Variants in JARID2 observed in about 807,000 individuals in gnomAD.
The protein encoded by JARID2 is protein Jumonji.
JARID2 carries 21 observed loss-of-function variants against 125.6 expected under a neutral mutation model. That is an observed-to-expected ratio of 0.17 (90% confidence interval 0.12 to 0.24). JARID2 has a LOEUF of 0.24. Ranked by LOEUF, JARID2 falls within the 10% of genes least tolerant of loss-of-function variation. The pLI, the probability that JARID2 is intolerant of heterozygous loss-of-function variation, is 1.00. For synonymous variants in JARID2, 736 were observed against 661.6 expected (o/e 1.11, Z -1.73); for missense variants, 1,303 against 1,639.6 (o/e 0.79, Z 3.55).
intron 1 of JARID2, among the ~76,000 whole-genome samples, chr6:15,301,742 C>T (rs1187575065): frequency 6.6e-6 from 1 of 152,182 alleles, no homozygotes; most frequent in African/African-American, 2.4e-5. Flanking sequence ...TATGTGGATA[C>T]TCAAGCATTA....
intron 3 of JARID2, among the ~76,000 whole-genome samples, chr6:15,414,913 A>G (rs1031641074): frequency 1.3e-5 from 2 of 152,300 alleles, no homozygotes; most frequent in African/African-American, 4.8e-5. Flanking sequence ...GTCAGCAGAT[A>G]AACAAGTGAA....
intron 3 of JARID2, among the ~76,000 whole-genome samples, chr6:15,422,592 T>C (rs1766547223): frequency 6.6e-6 from 1 of 152,192 alleles, no homozygotes. Context: ...AAACCCTTGG[T>C]TCAGACCTCA....
chr6:15,249,104 G>C (rs552182148), intron 1 of JARID2: 2 of 227,418 alleles, frequency 8.8e-6, no homozygotes, highest in South Asian at 3.2e-4. Context: ...GTCTCCTGAT[G>C]GTGTTGCATT....
At chr6:15,372,741 A>T (rs1032671507) in intron 1 of JARID2, among the ~76,000 whole-genome samples, 2 of 146,694 alleles carry the variant, frequency 1.4e-5, no homozygotes, top group African/African-American at 5.1e-5. Flanking sequence ...ACTGAGTCTC[A>T]CTCTGTCTCC....
At chr6:15,275,300 TCTTTGGTGTTTC>T (rs1281031983) in intron 1 of JARID2, among the ~76,000 whole-genome samples, 3 of 152,148 alleles carry the variant, frequency 2.0e-5, no homozygotes, top group Non-Finnish European at 4.4e-5. Flanking sequence ...GGGTTTTGGA[TCTTTGGTGTTTC>T]CTTTTTTACA....
intron 1 of JARID2, among the ~76,000 whole-genome samples, chr6:15,260,815 A>G (rs1424248544): frequency 6.6e-6 from 1 of 152,224 alleles, no homozygotes; most frequent in Non-Finnish European, 1.5e-5. Flanking sequence ...CCTGAAGCTA[A>G]AAAGTGGTGG....
At chr6:15,382,734 C>T (rs1333746124) in intron 2 of JARID2, among the ~76,000 whole-genome samples, 1 of 152,206 alleles carries the variant, frequency 6.6e-6, no homozygotes, top group Non-Finnish European at 1.5e-5. Context: ...GCCACGCTTC[C>T]TAGTAGGCAT....
chr6:15,501,686 C>T (rs886502168), intron 8 of JARID2, among the ~76,000 whole-genome samples: 6 of 152,170 alleles, frequency 3.9e-5, no homozygotes, highest in South Asian at 2.1e-4. Context: ...CTTGTGGGTG[C>T]GTTGATGGGG....
At chr6:15,342,553 A>G (rs1054672879) in intron 1 of JARID2, among the ~76,000 whole-genome samples, 2 of 152,242 alleles carry the variant, frequency 1.3e-5, no homozygotes, top group African/African-American at 4.8e-5. Flanking sequence ...TGTTGAAAGT[A>G]ACAAAGTAGT....
chr6:15,267,253 C>T (rs1393765503), intron 1 of JARID2, among the ~76,000 whole-genome samples: 1 of 152,098 alleles, frequency 6.6e-6, no homozygotes, highest in Non-Finnish European at 1.5e-5. Context: ...CTCCCACTCC[C>T]ATGAAAAAGA....
At chr6:15,268,950 G>GGCGTGT (rs1175401813) in intron 1 of JARID2, among the ~76,000 whole-genome samples, 2 of 152,290 alleles carry the variant, frequency 1.3e-5, no homozygotes, top group African/African-American at 4.8e-5. Context: ...CTTAAAGTCA[G>GGCGTGT]GCGTGTGCGT....
chr6:15,267,401 C>T (rs1006896133), intron 1 of JARID2, among the ~76,000 whole-genome samples: 1 of 152,136 alleles, frequency 6.6e-6, no homozygotes, highest in African/African-American at 2.4e-5. Context: ...GATCCTGAAG[C>T]CTAACCAACT....
intron 1 of JARID2, among the ~76,000 whole-genome samples, chr6:15,330,874 C>T (rs1303333298): frequency 1.3e-5 from 2 of 152,170 alleles, no homozygotes; most frequent in Admixed American, 6.5e-5. Flanking sequence ...AGACAGAATA[C>T]TTCAAAGTAG....
chr6:15,425,849 C>T lies in JARID2; in HGVS notation c.323+15484C>T, dbSNP rs567554616. Among the ~76,000 whole-genome samples the T allele has an allele frequency of 5.9e-5, 9 of 152,274 alleles. No individual in the cohort carries two copies. The East Asian group carries it at 1.2e-3, about 20-fold the overall frequency. On this transcript the variant is annotated intron_variant, in intron 3 of 17. Transcript: ENST00000341776. The stretch of plus-strand genomic sequence containing the variant: ...ACAAGCAGAGTGACTAGGGAAATTG[C>T]GGCAGCTTCAATATGGTCATGTGTG...
intron 9 of JARID2, 53 bp downstream of exon 9, chr6:15,504,645 GA>G (rs1307908242): frequency 1.7e-5 from 20 of 1,184,222 alleles, no homozygotes; most frequent in Middle Eastern, 1.9e-4. Flanking sequence ...ACCCCTCGGC[GA>G]GCTGGAGGAC....
intron 1 of JARID2, among the ~76,000 whole-genome samples, chr6:15,278,366 C>CACG (rs1760615556): frequency 1.3e-5 from 2 of 151,926 alleles, no homozygotes; most frequent in Non-Finnish European, 2.9e-5. Flanking sequence ...GCGGGTGGAT[C>CACG]ACGAGGTCAG....
At chr6:15,309,953 C>CA (rs1389891651) in intron 1 of JARID2, among the ~76,000 whole-genome samples, 85 of 151,334 alleles carry the variant, frequency 5.6e-4, no homozygotes, top group Admixed American at 9.9e-4. Context: ...CTGTAATAAA[C>CA]AAAAAAAATG....
At position 15,522,020 on chromosome 6, in the gene JARID2, G is replaced by GGAC. The variant is rs1771884401; in HGVS notation, c.*1770_*1772dup. On this transcript the variant is annotated 3_prime_UTR_variant, in exon 18 of 18. Transcript: ENST00000341776. ...TTTAATAATAAAAACAAAGTTTTTT[G>GGAC]GACATTTGTCTGTCTTGTGGAAGAT... 6.6e-6 allele frequency: 1 copy of GGAC among 152,122 alleles called. No homozygotes were observed. Among genetic ancestry groups the GGAC allele is most frequent in the African/African-American group, 2.4e-5 (1 of 41,402 alleles). 9.4% of individuals were successfully genotyped at this position (152,122 alleles called of 1,614,324 possible).
At chr6:15,480,700 T>C (rs1158127460) in intron 5 of JARID2, among the ~76,000 whole-genome samples, 4 of 152,240 alleles carry the variant, frequency 2.6e-5, no homozygotes, top group South Asian at 2.1e-4. Context: ...AAAGCACTTA[T>C]ATACTTTATT....
Sources: allele counts gnomAD v4.1 joint callset (sites outside exome capture counted in the v4.1 genomes callset), GRCh38; gene constraint gnomAD v4.1.1; transcripts MANE v1.5; gene names NCBI Gene and HGNC (gene_info 2026-07-23, HGNC 2026-07-21).